SLC29A1: variants seen among roughly 807,000 people sequenced by gnomAD.
SLC29A1 encodes the protein equilibrative nucleoside transporter 1.
A neutral mutation model predicts 48.3 loss-of-function variants in SLC29A1; 22 were observed. The ratio of observed to expected loss-of-function variants is 0.46; its 90% CI spans 0.33 to 0.65. The LOEUF is 0.65. SLC29A1 is among the 30% of genes least tolerant of loss of function. The pLI is 0.03. For synonymous variants in SLC29A1, 228 were observed against 231.0 expected (o/e 0.99, Z 0.12); for missense variants, 491 against 575.3 (o/e 0.85, Z 1.50).
Position 44,223,719 on chromosome 6 carries a change from A to C in SLC29A1, c.-52+78A>C. The C allele has an allele frequency of 9.3e-7, 1 of 1,080,884 alleles. No individual in the cohort carries two copies. The highest frequency in any genetic ancestry group is 1.1e-6 in the Non-Finnish European group (1 of 880,882). 67.0% of individuals were successfully genotyped at this position (1,080,884 alleles called of 1,614,324 possible). A position where few individuals can be genotyped will look rare whatever the true frequency, so the allele number is the denominator to read the frequency against. ...CCGCTGCCCGCCTGCCACGGAGGGC[A>C]GGGAGGGCGGGCCTGACGGCTCCGC... On this transcript the variant is annotated intron_variant, in intron 1 of 12. Coordinates refer to ENST00000371755, the MANE Select transcript of SLC29A1 (RefSeq NM_001372327.1). This position sits in a 1 kb window ranked among gnomAD's most constrained non-coding sequence, Gnocchi z 5.0.
At chr6:44,225,771 A>T (rs898408073) in intron 1 of SLC29A1, 2 of 151,890 alleles carry the variant, frequency 1.3e-5, no homozygotes, top group South Asian at 4.2e-4. Context: ...TTCCCTGGGG[A>T]GGGTTGAGAG....
chr6:44,227,086 G>A (rs1385123164), intron 1 of SLC29A1, 177 bp from the exon 2 acceptor site: 2 of 1,413,082 alleles, frequency 1.4e-6, no homozygotes, highest in East Asian at 2.6e-5. Flanking sequence ...GGCCTGCTGG[G>A]CCAGGGGGCT....
chr6:44,220,483 A>G (rs1776226535), upstream of SLC29A1, among the ~76,000 whole-genome samples: 2 of 150,990 alleles, frequency 1.3e-5, no homozygotes, highest in South Asian at 4.2e-4. Context: ...TGCACTTGGC[A>G]TCATGGAGTC....
chr6:44,229,857 A>G lies in SLC29A1; in HGVS notation c.315-50A>G. On this transcript the variant is annotated intron_variant, in intron 4 of 12. Transcript: ENST00000371755. The surrounding 1 kb of genome is among the most constrained non-coding windows in gnomAD (Gnocchi z 5.1). ...ACTGTGTCCTGCACCCCCTTGGCTG[A>G]GCCCCAGCTTTGCCCACTTGTCTCT... 6.2e-7 allele frequency: 1 copy of G among 1,609,662 alleles called. No homozygotes were observed. The highest frequency in any genetic ancestry group is 8.5e-7 in the Non-Finnish European group (1 of 1,178,728).
intron 5 of SLC29A1, 54 bp downstream of exon 5, chr6:44,230,100 C>A (rs368371299): frequency 2.6e-5 from 41 of 1,595,500 alleles, no homozygotes; most frequent in Non-Finnish European, 3.3e-5. Flanking sequence ...ACTACCCCCA[C>A]TCTTTTTTCA....
chr6:44,227,131 G>C, intron 1 of SLC29A1, 132 bp from the exon 2 acceptor site: 1 of 1,380,900 alleles, frequency 7.2e-7, no homozygotes, highest in Non-Finnish European at 9.6e-7. Flanking sequence ...CTGAGGGGCA[G>C]GGTGCAGAGG....
rs746931792 is a variant in SLC29A1 at position 44,232,109 on chromosome 6, G to A, written c.973+3G>A. 1 of 1,605,914 alleles carries A rather than the reference G, an allele frequency of 6.2e-7. No individual in the cohort carries two copies. The stretch of plus-strand genomic sequence containing the variant: ...CATCGCAGGCAGCAGCACCTGGGGT[G>A]AGGATGCCACAGGTTTCCAGGATGG... On this transcript the variant is annotated splice_donor_region_variant and intron_variant, in intron 10 of 12. Transcript: ENST00000371755. This position sits in a 1 kb window ranked among gnomAD's most constrained non-coding sequence, Gnocchi z 4.7.
chr6:44,233,099 C>A, intron 12 of SLC29A1, 93 bp downstream of exon 12: 1 of 1,317,862 alleles, frequency 7.6e-7, no homozygotes, highest in Non-Finnish European at 1.1e-6. Flanking sequence ...AAGGAGAGTC[C>A]CTGCTCCCAG....
At chr6:44,227,760 G>A (rs984946790) in intron 2 of SLC29A1, among the ~76,000 whole-genome samples, 4 of 152,252 alleles carry the variant, frequency 2.6e-5, no homozygotes, top group African/African-American at 9.6e-5. Flanking sequence ...TGCCTCTGGA[G>A]CCTGTGAACT....
upstream of SLC29A1, chr6:44,221,685 T>C (rs1268528714): frequency 2.3e-6 from 3 of 1,285,034 alleles, no homozygotes; most frequent in Non-Finnish European, 3.0e-6. This position sits in a 1 kb window ranked among gnomAD's most constrained non-coding sequence, Gnocchi z 4.2. Flanking sequence ...GCAAGGCCTG[T>C]GTAAGTTGGG....
upstream of SLC29A1, chr6:44,221,543 A>C: frequency 9.8e-7 from 1 of 1,018,808 alleles, no homozygotes; most frequent in Non-Finnish European, 1.3e-6. The surrounding 1 kb of genome is among the most constrained non-coding windows in gnomAD (Gnocchi z 4.2). Context: ...TGTAGAGTAG[A>C]GGTGCAGCAG....
Position 44,229,397 on chromosome 6 carries a change from GCTGT to G in SLC29A1, c.41_44del (p.Val14GlyfsTer19). On this transcript the variant is annotated frameshift_variant, in exon 3 of 13. Coordinates refer to ENST00000371755, the MANE Select transcript of SLC29A1 (RefSeq NM_001372327.1). LOFTEE classifies it high-confidence loss of function. This position sits in a 1 kb window ranked among gnomAD's most constrained non-coding sequence, Gnocchi z 5.1. ...TTTCCTCCTCCATTGCAGATACAAA[GCTGT>G]CTGGCTTATCTTCTTCATGCTGGGT... 4 of 1,613,856 alleles carry G rather than the reference GCTGT, an allele frequency of 2.5e-6. No individual in the cohort carries two copies. The highest frequency in any genetic ancestry group is 3.4e-6 in the Non-Finnish European group (4 of 1,179,746).
chr6:44,228,126 G>A (rs1406389345), intron 2 of SLC29A1, among the ~76,000 whole-genome samples: 1 of 152,138 alleles, frequency 6.6e-6, no homozygotes, highest in Admixed American at 6.5e-5. Context: ...TAGAAGTAAG[G>A]GAATTTAAGG....
At chr6:44,231,525 T>C (rs1778875521) in intron 9 of SLC29A1, 64 bp downstream of exon 9, 5 of 1,032,924 alleles carry the variant, frequency 4.8e-6, no homozygotes, top group Non-Finnish European at 5.9e-6. Flanking sequence ...TTTTGCTCCC[T>C]CCCCCTGCCA....
rs761076841 is a variant in SLC29A1 at position 44,229,619 on chromosome 6, A to C, written c.142A>C (p.Asn48His). 4 of 1,614,022 alleles carry C rather than the reference A, an allele frequency of 2.5e-6. No homozygotes were observed. In the South Asian group the frequency reaches 3.3e-5, roughly 13 times the overall value. ...CACAAACCGCCTGGACATGTCCCAG[A>C]ATGTGTCCTTGGTCACTGCTGAACT... ...YFTNRLDMSQ[N>H]VSLVTAELSK... Residue 48 changes from asparagine (N) to histidine (H), a missense_variant, in exon 4 of 13, where the codon AAT becomes CAT. Transcript: ENST00000371755. The surrounding 1 kb of genome is among the most constrained non-coding windows in gnomAD (Gnocchi z 5.1).
chr6:44,219,691 C>T, upstream of SLC29A1: 1 of 1,288,210 alleles, frequency 7.8e-7, no homozygotes, highest in Non-Finnish European at 1.0e-6. Context: ...TGGCCCCAGC[C>T]CCGAGATGAG....
Position 44,230,573 on chromosome 6 carries a change from T to C in SLC29A1, c.595T>C (p.Ser199Pro). The change falls in exon 7 of 13, where the codon TCG becomes CCG. Residue 199 changes from serine (S) to proline (P), a missense_variant. Coordinates refer to ENST00000371755, the MANE Select transcript of SLC29A1 (RefSeq NM_001372327.1). The part of the protein sequence containing the change: ...VAMICAIASG[S>P]ELSESAFGYF... ...GATCACTGACACCACCCCAGGTGGCTCGGAGCTATCAGAAAGTGCCTTCGG... is the reference window on the plus strand; with the variant it reads ...GATCACTGACACCACCCCAGGTGGCCCGGAGCTATCAGAAAGTGCCTTCGG... 1 of 1,614,118 alleles carries C rather than the reference T, an allele frequency of 6.2e-7. No individual in the cohort carries two copies. The highest frequency in any genetic ancestry group is 1.1e-5 in the South Asian group (1 of 91,078).
In SLC29A1 at chr6:44,233,745, G is replaced by T. The variant is rs1779388408; in HGVS notation, c.*217G>T. ...GTTTGGGGCTCAGAGTCGAGGGACG[G>T]GGTGTAGCCTCGGCATTTGCTTGAG... On this transcript the variant is annotated 3_prime_UTR_variant, in exon 13 of 13. Transcript: ENST00000371755. 1 of 577,236 alleles carries T rather than the reference G, an allele frequency of 1.7e-6. No individual in the cohort carries two copies. The highest frequency in any genetic ancestry group is 1.9e-5 in the African/African-American group (1 of 53,380). 35.8% of individuals were successfully genotyped at this position (577,236 alleles called of 1,614,324 possible).
chr6:44,226,371 CAGA>C (rs1385816442), intron 1 of SLC29A1, among the ~76,000 whole-genome samples: 1 of 152,064 alleles, frequency 6.6e-6, no homozygotes, highest in Non-Finnish European at 1.5e-5. Flanking sequence ...GACGCTGAGG[CAGA>C]AGGATAGGTG....
Sources: allele counts gnomAD v4.1 joint callset (sites outside exome capture counted in the v4.1 genomes callset), GRCh38; gene constraint gnomAD v4.1.1; non-coding constraint Gnocchi (gnomAD v3.1); transcripts MANE v1.5; gene names NCBI Gene and HGNC (gene_info 2026-07-23, HGNC 2026-07-21).